PRRC2C: variants seen among roughly 807,000 people sequenced by gnomAD.
The protein encoded by PRRC2C is proline rich coiled-coil 2C, also known as protein PRRC2C.
PRRC2C carries 72 observed loss-of-function variants against 317.2 expected under a neutral mutation model. That is an observed-to-expected ratio of 0.23 (90% CI 0.19 to 0.28). PRRC2C has a LOEUF of 0.28. PRRC2C is among the 10% of genes least tolerant of loss of function. PRRC2C has a pLI of 1.00. For missense variants in PRRC2C, 3,074 were observed against 3,459.7 expected, an observed-to-expected ratio of 0.89 and a Z score of 2.80; for synonymous variants, 1,296 against 1,205.9, an observed-to-expected ratio of 1.07 and a Z score of -1.55.
chr1:171,575,196 G>C (rs972049549), intron 25 of PRRC2C, 68 bp downstream of exon 25: 3 of 1,378,960 alleles, frequency 2.2e-6, no homozygotes, highest in Non-Finnish European at 3.0e-6. Context: ...ATCTCTTCTT[G>C]TTTACTATCT....
At chr1:171,565,995 C>T (rs1197128404) in intron 20 of PRRC2C, among the ~76,000 whole-genome samples, 1 of 152,180 alleles carries the variant, frequency 6.6e-6, no homozygotes, top group Non-Finnish European at 1.5e-5. Flanking sequence ...TGATCACACT[C>T]ATGAGAGCCA....
In PRRC2C at chr1:171,592,808, T is replaced by A. The variant is rs940447468; in HGVS notation, c.*961T>A. On this transcript the variant is annotated 3_prime_UTR_variant, in exon 35 of 35. Transcript: ENST00000647382. ...AGGAAATCCTAAGAAGGTGCATTTC[T>A]TTACAGAGCTGTGTCATGCCATCCT... The A allele has an allele frequency of 5.9e-5, 9 of 152,308 alleles. No homozygotes were observed. Among genetic ancestry groups the A allele is most frequent in the African/African-American group, 2.2e-4 (9 of 41,556 alleles). 9.4% of individuals were successfully genotyped at this position (152,308 alleles called of 1,614,324 possible). A position where few individuals can be genotyped will look rare whatever the true frequency, so the allele number is the denominator to read the frequency against.
chr1:171,569,244 GATAA>G (rs1684253096), intron 23 of PRRC2C, among the ~76,000 whole-genome samples: 1 of 140,286 alleles, frequency 7.1e-6, no homozygotes, highest in Non-Finnish European at 1.5e-5. Flanking sequence ...ATCCTTTACA[GATAA>G]ATATTTAAAG....
chr1:171,547,407 A>C (rs1396411317), intron 17 of PRRC2C, among the ~76,000 whole-genome samples: 1 of 152,180 alleles, frequency 6.6e-6, no homozygotes, highest in Non-Finnish European at 1.5e-5. Flanking sequence ...TTTTAGTGTA[A>C]GTGAAAAACT....
intron 1 of PRRC2C, among the ~76,000 whole-genome samples, chr1:171,492,136 C>T (rs963251391): frequency 7.9e-5 from 12 of 152,010 alleles, no homozygotes; most frequent in African/African-American, 1.5e-4. Context: ...AGTTTTAGTA[C>T]GTATGGATTT....
chr1:171,587,536 C>A, intron 31 of PRRC2C, 112 bp from the exon 32 acceptor site: 1 of 728,718 alleles, frequency 1.4e-6, no homozygotes, highest in Non-Finnish European at 2.2e-6. Flanking sequence ...GAGTTTTGTA[C>A]TAAGGTTCTT....
chr1:171,586,358 T>C (rs1454156644), intron 30 of PRRC2C, among the ~76,000 whole-genome samples: 1 of 151,474 alleles, frequency 6.6e-6, no homozygotes, highest in African/African-American at 2.4e-5. Context: ...CCCAAAGTGC[T>C]GGGATTATAG....
chr1:171,502,766 C>T (rs1259456656), intron 1 of PRRC2C, among the ~76,000 whole-genome samples: 1 of 152,208 alleles, frequency 6.6e-6, no homozygotes, highest in Non-Finnish European at 1.5e-5. Flanking sequence ...GCTCCGTACA[C>T]AGGCTGGAGT....
At chr1:171,518,483 AT>A (rs1324754369) in intron 6 of PRRC2C, among the ~76,000 whole-genome samples, 3 of 114,198 alleles carry the variant, frequency 2.6e-5, no homozygotes, top group Admixed American at 9.8e-5. Flanking sequence ...TTTTTTTTCA[AT>A]TTTTTTTCAA....
intron 3 of PRRC2C, 101 bp downstream of exon 3, chr1:171,513,273 A>G: frequency 1.7e-6 from 2 of 1,190,384 alleles, no homozygotes; most frequent in Non-Finnish European, 1.2e-6. Context: ...TGTCTGTATT[A>G]CATATTACAT....
chr1:171,550,175 T>A lies in PRRC2C; in HGVS notation c.5062T>A (p.Ser1688Thr). Residue 1688 changes from serine (S) to threonine (T), a missense_variant, in exon 18 of 35, where the codon TCC (serine) becomes ACC (threonine). Physicochemically the swap from Ser to Thr is moderately conservative, Grantham distance 58. Around this residue, in one of 11 missense-constraint regions of PRRC2C, gnomAD observed 640 missense variants for 676.1 expected, o/e 0.95. Transcript: ENST00000647382. ...LNDDGFTEVV[S>T]KKQQKRLQDE... ...TGATGATGGTTTTACTGAAGTGGTA[T>A]CCAAAAAACAACAAAAACGTTTACA... The A allele has an allele frequency of 6.2e-7, 1 of 1,607,572 alleles. No homozygotes were observed. Among genetic ancestry groups the A allele is most frequent in the Non-Finnish European group, 8.5e-7 (1 of 1,176,560 alleles).
At chr1:171,527,361 G>C (rs577765710) in intron 10 of PRRC2C, among the ~76,000 whole-genome samples, 1 of 149,742 alleles carries the variant, frequency 6.7e-6, no homozygotes, top group African/African-American at 2.5e-5. Context: ...TTGAACTCCT[G>C]ACCTCAGGTG....
chr1:171,518,661 CTTTT>C (rs386368727), intron 6 of PRRC2C, among the ~76,000 whole-genome samples: 2 of 58,142 alleles, frequency 3.4e-5, no homozygotes, highest in Non-Finnish European at 5.8e-5. Context: ...CCACACCTGG[CTTTT>C]TTTTTTTTTT....
chr1:171,523,088 C>T, intron 7 of PRRC2C, 133 bp from the exon 8 acceptor site: 1 of 748,892 alleles, frequency 1.3e-6, no homozygotes, highest in Non-Finnish European at 2.1e-6. Context: ...ATACACATGT[C>T]CATGCAGAAC....
chr1:171,535,882 C>G (rs748266818), intron 13 of PRRC2C, 147 bp from the exon 14 acceptor site: 5 of 1,101,228 alleles, frequency 4.5e-6, no homozygotes, highest in Non-Finnish European at 6.5e-6. Context: ...AGTTTTTTGT[C>G]TTGCCAACTC....
rs938229816 is a variant in PRRC2C, at chr1:171,526,805, CT to C, written c.1201-965del. 3.1e-3 allele frequency among the ~76,000 whole-genome samples: 277 copies of C among 90,204 alleles called. 2 individuals carry two copies. The highest frequency in any genetic ancestry group is 9.5e-3 in the African/African-American group (204 of 21,570). The allele number at this position is 90,204 out of a possible 152,430, so 59.2% of individuals were successfully genotyped here. ...AAAATCATTACATTCAGAAATATAT[CT>C]TTTTTTTTTTTTTTTTTTTTGAGAT... On this transcript the variant is annotated intron_variant, in intron 10 of 34. Coordinates refer to ENST00000647382, the MANE Select transcript of PRRC2C (RefSeq NM_001387844.1).
In PRRC2C at chr1:171,517,674, G is replaced by A. The variant is rs866929693; in HGVS notation, c.610G>A (p.Glu204Lys). ...AGATGAAAAGCTCCCTGGCCAGGAT[G>A]AAAGCACAGCTGGAACATCAGAGCA... The part of the protein sequence containing the change: ...DQDEKLPGQD[E>K]STAGTSEQND... The change falls in exon 6 of 35, where the codon GAA becomes AAA. Residue 204 changes from glutamate to lysine, a missense_variant. This residue lies in a region of PRRC2C where 237 missense variants were observed against 199.5 expected (regional missense o/e 1.19). Coordinates refer to ENST00000647382, the MANE Select transcript of PRRC2C (RefSeq NM_001387844.1). 2 of 1,613,468 alleles carry A rather than the reference G, an allele frequency of 1.2e-6. No homozygotes were observed. Among genetic ancestry groups the A allele is most frequent in the Middle Eastern group, 1.7e-4 (1 of 6,060 alleles).
At chr1:171,522,283 T>G in intron 7 of PRRC2C, 24 bp downstream of exon 7, 1 of 1,465,054 alleles carries the variant, frequency 6.8e-7, no homozygotes. Context: ...ATGATTAAAG[T>G]CTGTAAGGAA....
intron 1 of PRRC2C, among the ~76,000 whole-genome samples, chr1:171,492,089 A>G (rs1667255427): frequency 6.6e-6 from 1 of 152,200 alleles, no homozygotes; most frequent in South Asian, 2.1e-4. Flanking sequence ...TTTTAAGTTT[A>G]TATTTGGAAA....
Sources: gnomAD v4.1 joint callset for allele counts (sites outside exome capture counted in the v4.1 genomes callset) on GRCh38, gnomAD v4.1.1 for gene constraint, gnomAD v4.1.1 regional missense constraint, MANE v1.5 for transcripts, NCBI Gene and HGNC (gene_info 2026-07-23, HGNC 2026-07-21) for gene names.